The following WIPI2 variants were observed in gnomAD, a reference collection of about 807,000 sequenced individuals.
WIPI2 encodes the protein WD repeat domain phosphoinositide-interacting protein 2.
Under a neutral mutation model 52.3 loss-of-function variants are expected in WIPI2, and 28 were observed. The observed-to-expected ratio is 0.54, with a 90% confidence interval of 0.40 to 0.73. The LOEUF (loss-of-function observed/expected upper bound fraction) is 0.73, where lower values mean the gene tolerates loss of function less well. Ranked by LOEUF, WIPI2 falls within the 30% of genes least tolerant of loss-of-function variation. The probability of loss-of-function intolerance (pLI) is 0.00; values close to 1 mark genes in which losing one functional copy is unlikely to be tolerated. For missense variants in WIPI2, 506 were observed against 602.9 expected (o/e 0.84, Z 1.68); for synonymous variants, 268 against 245.0 (o/e 1.09, Z -0.88).
intron 3 of WIPI2, among the ~76,000 whole-genome samples, chr7:5,205,112 A>G (rs901181451): frequency 3.0e-4 from 45 of 152,008 alleles, no homozygotes; most frequent in African/African-American, 1.1e-3. Flanking sequence ...AGGAGCTGGG[A>G]TTAGAGGCAT....
intron 6 of WIPI2, 142 bp downstream of exon 6, chr7:5,217,329 G>T: frequency 1.1e-6 from 1 of 890,348 alleles, no homozygotes; most frequent in Admixed American, 2.0e-5. Context: ...TTTTGAGACA[G>T]GGTCTGGCTC....
Position 5,218,083 on chromosome 7 carries a change from A to T in WIPI2, c.669+69A>T, listed in dbSNP as rs570940040. ...CACAGACTTTTTCAGTTCTGTTCAC[A>T]CAGCCACCTTAGAGGCAAGGTCCTA... On this transcript the variant is annotated intron_variant, in intron 7 of 12. Coordinates refer to ENST00000288828, the MANE Select transcript of WIPI2 (RefSeq NM_015610.4). 7 of 1,531,386 alleles carry T rather than the reference A, an allele frequency of 4.6e-6. No homozygotes were observed. The African/African-American group carries it at 9.6e-5, about 21-fold the overall frequency. 94.9% of individuals were successfully genotyped at this position (1,531,386 alleles called of 1,614,324 possible).
In WIPI2 at chr7:5,198,316, A is replaced by C. The variant is rs566579685; in HGVS notation, c.129-1260A>C. ...TAAAATTTAGAAAATTCACTTACTT[A>C]ACTTTTTTTTTTTTTTGGTTGGAGT... On this transcript the variant is annotated intron_variant, in intron 2 of 12. Coordinates refer to ENST00000288828, the MANE Select transcript of WIPI2 (RefSeq NM_015610.4). 5.4e-4 allele frequency among the ~76,000 whole-genome samples: 80 copies of C among 149,340 alleles called. 1 individual carries two copies. The highest frequency in any genetic ancestry group is 3.4e-3 in the Middle Eastern group (1 of 294).
chr7:5,226,063 A>G (rs181583478), intron 9 of WIPI2, 133 bp downstream of exon 9: 3 of 868,134 alleles, frequency 3.5e-6, no homozygotes, highest in South Asian at 1.6e-5. Context: ...GGAGCTGGCC[A>G]TGGAGCGAGC....
chr7:5,204,094 G>T (rs1461685089), intron 3 of WIPI2, among the ~76,000 whole-genome samples: 1 of 152,232 alleles, frequency 6.6e-6, no homozygotes, highest in Non-Finnish European at 1.5e-5. Flanking sequence ...TCATGGGAGG[G>T]CTGAGCCAGG....
rs1026993682 is a variant in WIPI2 at position 5,232,692 on chromosome 7, C to T, written c.*1745C>T. On this transcript the variant is annotated 3_prime_UTR_variant, in exon 13 of 13. Coordinates refer to ENST00000288828, the MANE Select transcript of WIPI2 (RefSeq NM_015610.4). ...CCAGAGGGCTCTCTCTAGAACCTGACCGTGCACTCCATCTCCTGGGAGCCA... is the reference window on the plus strand; with the variant it reads ...CCAGAGGGCTCTCTCTAGAACCTGATCGTGCACTCCATCTCCTGGGAGCCA... The T allele has an allele frequency of 2.6e-5, 5 of 190,398 alleles. No homozygotes were observed. The highest frequency in any genetic ancestry group is 4.3e-5 in the Non-Finnish European group (4 of 93,736). The allele number at this position is 190,398 out of a possible 1,614,324, so 11.8% of individuals were successfully genotyped here.
chr7:5,192,185 A>G (rs1048905660), intron 1 of WIPI2, among the ~76,000 whole-genome samples: 5 of 152,220 alleles, frequency 3.3e-5, no homozygotes, highest in African/African-American at 1.2e-4. Context: ...ACAACAAACA[A>G]TTCGGACAAC....
In WIPI2 at chr7:5,201,861, C is replaced by T. The variant is rs1194944698; in HGVS notation, c.211+2203C>T. On this transcript the variant is annotated intron_variant, in intron 3 of 12. Transcript: ENST00000288828. The stretch of plus-strand genomic sequence containing the variant: ...CCTTAAAAATAGATGATGAAATGGA[C>T]AAAGAATGTTTTGAGGGTTAATACT... Among the ~76,000 whole-genome samples, 3 of 152,120 alleles carry T rather than the reference C, an allele frequency of 2.0e-5. No individual in the cohort carries two copies. The South Asian group carries it at 6.2e-4, about 31-fold the overall frequency.
In WIPI2 at chr7:5,225,901, C is replaced by T. The variant is rs750541544; in HGVS notation, c.819C>T (p.His273=). ...LSASSNTETV[H]IFKLETVKEK... is the part of the protein sequence containing the mutation. ...CCTCCAGCAACACTGAGACCGTGCA[C>T]ATCTTCAAACTCGAGACTGTGAAAG... is the stretch of plus-strand genomic sequence containing the variant. The change falls in exon 9 of 13, where the codon CAC becomes CAT. Residue 273 remains histidine, a synonymous_variant. Transcript: ENST00000288828. The T allele has an allele frequency of 5.6e-6, 9 of 1,613,866 alleles. No homozygotes were observed. The South Asian group carries it at 9.9e-5, about 18-fold the overall frequency.
chr7:5,222,301 G>A (rs988921503), intron 7 of WIPI2, among the ~76,000 whole-genome samples: 11 of 152,226 alleles, frequency 7.2e-5, no homozygotes, highest in African/African-American at 2.7e-4. Flanking sequence ...ACAATAGAAT[G>A]ATATGCCACT....
At chr7:5,200,406 G>T (rs751115092) in intron 3 of WIPI2, among the ~76,000 whole-genome samples, 2 of 152,138 alleles carry the variant, frequency 1.3e-5, no homozygotes, top group African/African-American at 2.4e-5. Context: ...CAGGTCCCTT[G>T]CATCCTTTAC....
intron 5 of WIPI2, 144 bp from the exon 6 acceptor site, chr7:5,216,946 C>T (rs940530893): frequency 1.5e-5 from 14 of 958,002 alleles, no homozygotes; most frequent in Non-Finnish European, 2.0e-5. Flanking sequence ...GGTTGCAGAA[C>T]TTTCCTAACA....
chr7:5,193,415 C>CCTG, intron 2 of WIPI2: 1 of 1,145,822 alleles, frequency 8.7e-7, no homozygotes, highest in Non-Finnish European at 1.2e-6. Context: ...AGGGACTTGA[C>CCTG]TTTCCAAGTC....
chr7:5,207,789 T>TC (rs71004635), intron 3 of WIPI2, among the ~76,000 whole-genome samples: 1 of 147,078 alleles, frequency 6.8e-6, no homozygotes, highest in East Asian at 2.0e-4. Flanking sequence ...TTTTTTTTTT[T>TC]GAGAGAGTCT....
chr7:5,202,517 G>A (rs1562388449), intron 3 of WIPI2, among the ~76,000 whole-genome samples: 1 of 152,074 alleles, frequency 6.6e-6, no homozygotes, highest in Non-Finnish European at 1.5e-5. Flanking sequence ...CTGAGTAGCT[G>A]GGACCACAGG....
chr7:5,206,853 C>G (rs1470357989), intron 3 of WIPI2, among the ~76,000 whole-genome samples: 1 of 152,196 alleles, frequency 6.6e-6, no homozygotes, highest in Non-Finnish European at 1.5e-5. Flanking sequence ...TCATAGCTTG[C>G]TACAGCTTTG....
At chr7:5,195,874 A>C (rs1372922117) in intron 2 of WIPI2, among the ~76,000 whole-genome samples, 1 of 151,394 alleles carries the variant, frequency 6.6e-6, no homozygotes, top group African/African-American at 2.4e-5. Flanking sequence ...CTCCATCTCT[A>C]CTAAAAATAC....
At chr7:5,203,444 C>G (rs7783871) in intron 3 of WIPI2, among the ~76,000 whole-genome samples, 3,496 of 152,174 alleles carry the variant, frequency 0.023, 127 homozygotes, top group African/African-American at 0.079. Flanking sequence ...ATAAACCACG[C>G]CAGCAGAAGC....
At position 5,227,395 on chromosome 7, in the gene WIPI2, G is replaced by T; in HGVS notation, c.1013+51G>T. On this transcript the variant is annotated intron_variant, in intron 10 of 12. Transcript: ENST00000288828. This position sits in a 1 kb window ranked among gnomAD's most constrained non-coding sequence, Gnocchi z 8.1. ...CCCACCCCGTGTGCCTCAGGCCGAG[G>T]GGCCCAGTCCTGGCGGCTTGTGGCC... 6.3e-7 allele frequency: 1 copy of T among 1,597,242 alleles called. No individual in the cohort carries two copies.
Sources: allele counts gnomAD v4.1 joint callset (sites outside exome capture counted in the v4.1 genomes callset), GRCh38; gene constraint gnomAD v4.1.1; non-coding constraint Gnocchi (gnomAD v3.1); transcripts MANE v1.5; gene names NCBI Gene and HGNC (gene_info 2026-07-23, HGNC 2026-07-21).